Variants in SLC25A21 observed in about 807,000 individuals in gnomAD.
SLC25A21 encodes the protein mitochondrial 2-oxodicarboxylate carrier.
SLC25A21 carries 47 observed loss-of-function variants against 43.8 expected under a neutral mutation model. The ratio of observed to expected loss-of-function variants is 1.07; its 90% CI spans 0.85 to 1.37. SLC25A21 has a LOEUF of 1.37. Among genes scored for constraint, SLC25A21 ranks in the 40% most tolerant of loss-of-function variants. The pLI, the probability that SLC25A21 is intolerant of heterozygous loss-of-function variation, is 0.00. For missense variants in SLC25A21, 352 were observed against 350.2 expected (o/e 1.00, Z -0.04); for synonymous variants, 131 against 121.3 (o/e 1.08, Z -0.52).
intron 1 of SLC25A21, among the ~76,000 whole-genome samples, chr14:37,015,648 A>G (rs1364854662): frequency 3.3e-5 from 5 of 151,662 alleles, no homozygotes; most frequent in Non-Finnish European, 5.9e-5. Context: ...ACTAGTTTAC[A>G]GTTCCACCAA....
intron 3 of SLC25A21, chr14:36,788,816 G>T (rs1594588629): frequency 6.6e-6 from 1 of 151,866 alleles, no homozygotes; most frequent in East Asian, 1.9e-4. Context: ...TTACTGGTTT[G>T]GCCCTCATGA....
chr14:37,048,432 G>A (rs1321956856), intron 1 of SLC25A21, among the ~76,000 whole-genome samples: 1 of 151,796 alleles, frequency 6.6e-6, no homozygotes, highest in Admixed American at 6.6e-5. Context: ...ACTGGTGGAG[G>A]GGAAGAGGCA....
chr14:37,144,649 T>C (rs992088222), intron 1 of SLC25A21, among the ~76,000 whole-genome samples: 8 of 152,128 alleles, frequency 5.3e-5, no homozygotes, highest in African/African-American at 1.9e-4. Context: ...CCCAAATCAG[T>C]AGTTAAGTGA....
At chr14:37,144,329 T>G (rs576966374) in intron 1 of SLC25A21, among the ~76,000 whole-genome samples, 1 of 152,242 alleles carries the variant, frequency 6.6e-6, no homozygotes, top group Non-Finnish European at 1.5e-5. Context: ...AAAAATGTTA[T>G]GCAATTTAAC....
At chr14:37,075,056 T>C (rs1428237170) in intron 1 of SLC25A21, among the ~76,000 whole-genome samples, 1 of 152,200 alleles carries the variant, frequency 6.6e-6, no homozygotes, top group Non-Finnish European at 1.5e-5. Flanking sequence ...GAAGGTTTCC[T>C]GTGCAAATAC....
At chr14:36,769,084 T>C (rs1886523478) in intron 3 of SLC25A21, among the ~76,000 whole-genome samples, 1 of 152,208 alleles carries the variant, frequency 6.6e-6, no homozygotes, top group Non-Finnish European at 1.5e-5. Flanking sequence ...CATTGCCTGA[T>C]GCAATGCCAC....
intron 1 of SLC25A21, among the ~76,000 whole-genome samples, chr14:37,118,802 T>C (rs894702506): frequency 1.3e-5 from 2 of 152,118 alleles, no homozygotes; most frequent in Non-Finnish European, 2.9e-5. Flanking sequence ...ATAATTTTTT[T>C]TTAATTTAAA....
At chr14:37,147,138 G>T (rs1963680075) in intron 1 of SLC25A21, among the ~76,000 whole-genome samples, 1 of 152,132 alleles carries the variant, frequency 6.6e-6, no homozygotes, top group Non-Finnish European at 1.5e-5. Flanking sequence ...CCTCTTGGAA[G>T]TTGAAAGAGA....
chr14:36,795,766 T>C (rs899626818), intron 3 of SLC25A21, among the ~76,000 whole-genome samples: 2 of 152,164 alleles, frequency 1.3e-5, no homozygotes, highest in South Asian at 4.1e-4. Context: ...AGGCTGAGAC[T>C]CCTGTCACAA....
At chr14:36,969,121 A>G (rs982677106) in intron 1 of SLC25A21, among the ~76,000 whole-genome samples, 4 of 152,244 alleles carry the variant, frequency 2.6e-5, no homozygotes, top group Non-Finnish European at 5.9e-5. Flanking sequence ...CCTCTTCTGC[A>G]TAATTTTCAT....
intron 1 of SLC25A21, among the ~76,000 whole-genome samples, chr14:36,992,454 A>G (rs543647132): frequency 3.3e-5 from 5 of 152,252 alleles, no homozygotes; most frequent in African/African-American, 1.2e-4. Context: ...AAAGAATAGC[A>G]CTGTTTCTTG....
At chr14:36,761,950 G>A (rs1252042528) in intron 3 of SLC25A21, among the ~76,000 whole-genome samples, 1 of 151,796 alleles carries the variant, frequency 6.6e-6, no homozygotes, top group African/African-American at 2.4e-5. Context: ...TGAAAAGTGG[G>A]GATTAGACAA....
intron 1 of SLC25A21, among the ~76,000 whole-genome samples, chr14:37,082,349 T>C (rs1401705262): frequency 6.6e-6 from 1 of 152,202 alleles, no homozygotes; most frequent in Non-Finnish European, 1.5e-5. Flanking sequence ...TATTCCCATG[T>C]AACAAATCTG....
At chr14:37,007,258 C>T (rs1429430853) in intron 1 of SLC25A21, among the ~76,000 whole-genome samples, 1 of 152,110 alleles carries the variant, frequency 6.6e-6, no homozygotes, top group Admixed American at 6.6e-5. Context: ...CATGCAAAAG[C>T]CTTAGGTAAA....
At chr14:36,711,601 A>C (rs1379558597) in intron 6 of SLC25A21, 119 bp from the exon 7 acceptor site, 169 of 1,135,112 alleles carry the variant, frequency 1.5e-4, no homozygotes, top group Non-Finnish European at 2.0e-4. Context: ...CCCAGATATG[A>C]ATAATCATGC....
At chr14:36,970,079 T>C (rs1214475945) in intron 1 of SLC25A21, among the ~76,000 whole-genome samples, 3 of 152,196 alleles carry the variant, frequency 2.0e-5, no homozygotes, top group African/African-American at 7.2e-5. Flanking sequence ...TCACTTTCCT[T>C]AGACATGAAA....
chr14:36,680,606 G>GCT lies in SLC25A21; in HGVS notation c.*50_*51dup. The stretch of plus-strand genomic sequence containing the variant: ...ATCGATAGTCTCTCTTCTTCATGGT[G>GCT]CTGCATAGCAAATATCCATTATCTC... On this transcript the variant is annotated 3_prime_UTR_variant, in exon 10 of 10. Coordinates refer to ENST00000331299, the MANE Select transcript of SLC25A21 (RefSeq NM_030631.4). The GCT allele has an allele frequency of 6.2e-7, 1 of 1,601,376 alleles. No homozygotes were observed. The highest frequency in any genetic ancestry group is 8.5e-7 in the Non-Finnish European group (1 of 1,174,064).
intron 1 of SLC25A21, among the ~76,000 whole-genome samples, chr14:36,998,413 C>CTTA (rs1960417894): frequency 1.3e-5 from 2 of 152,110 alleles, no homozygotes; most frequent in African/African-American, 2.4e-5. Context: ...GATTCTTCTT[C>CTTA]TACCTCATGA....
At chr14:36,732,956 A>G (rs1389085524) in intron 4 of SLC25A21, among the ~76,000 whole-genome samples, 2 of 152,224 alleles carry the variant, frequency 1.3e-5, no homozygotes, top group African/African-American at 2.4e-5. Flanking sequence ...CAGTTGCCCA[A>G]AAGTTCATCT....
Sources: gnomAD v4.1 joint callset for allele counts (sites outside exome capture counted in the v4.1 genomes callset) on GRCh38, gnomAD v4.1.1 for gene constraint, MANE v1.5 for transcripts, NCBI Gene and HGNC (gene_info 2026-07-23, HGNC 2026-07-21) for gene names.